LYZL4: variants seen among roughly 807,000 people sequenced by gnomAD.
The protein encoded by LYZL4 is lysozyme-like protein 4.
A neutral mutation model predicts 17.6 loss-of-function variants in LYZL4; 13 were observed. The ratio of observed to expected loss-of-function variants is 0.74; its 90% CI spans 0.48 to 1.18. The LOEUF is 1.18. LYZL4 is among the 50% of genes most tolerant of loss of function. LYZL4 has a pLI of 0.00. For missense variants in LYZL4, 174 were observed against 188.2 expected (o/e 0.92, Z 0.44); for synonymous variants, 64 against 67.7 (o/e 0.95, Z 0.27).
intron 2 of LYZL4, 47 bp from the exon 3 acceptor site, chr3:42,407,045 G>A (rs2125603347): frequency 6.2e-7 from 1 of 1,613,872 alleles, no homozygotes; most frequent in Non-Finnish European, 8.5e-7. Context: ...GCTGGAGTTG[G>A]GGATGCTTGG....
chr3:42,378,411 G>T, the LYZL4 span, among the ~76,000 whole-genome samples: 2 of 152,148 alleles, frequency 1.3e-5, no homozygotes, highest in South Asian at 4.1e-4. Flanking sequence ...CTTTCAAGTG[G>T]CCATCCCAGC....
At chr3:42,406,370 C>G (rs1293866403) in intron 3 of LYZL4, among the ~76,000 whole-genome samples, 1 of 146,268 alleles carries the variant, frequency 6.8e-6, no homozygotes, top group Non-Finnish European at 1.5e-5. Flanking sequence ...AGGAGAATGG[C>G]ACGAAGCCAG....
At chr3:42,403,992 A>C (rs1698704733) in intron 4 of LYZL4, 54 bp downstream of exon 4, 25 of 1,254,054 alleles carry the variant, frequency 2.0e-5, no homozygotes, top group Non-Finnish European at 2.7e-5. Flanking sequence ...GATTCAGATT[A>C]GAGATCATGA....
chr3:42,390,788 C>A, the LYZL4 span, among the ~76,000 whole-genome samples: 1 of 152,264 alleles, frequency 6.6e-6, no homozygotes, highest in South Asian at 2.1e-4. Context: ...GGGCAAATAA[C>A]CCTTGGCTGA....
chr3:42,366,685 C>G, the LYZL4 span, among the ~76,000 whole-genome samples: 1 of 152,240 alleles, frequency 6.6e-6, no homozygotes, highest in Non-Finnish European at 1.5e-5. Context: ...GCAGCCATGG[C>G]TTGGGCTGGG....
the LYZL4 span, among the ~76,000 whole-genome samples, chr3:42,377,274 C>T: frequency 6.6e-6 from 1 of 152,134 alleles, no homozygotes. Flanking sequence ...CTCCTTTAAC[C>T]CTCACTGTCT....
downstream of LYZL4, among the ~76,000 whole-genome samples, chr3:42,393,439 G>A (rs955551740): frequency 3.3e-5 from 5 of 152,244 alleles, no homozygotes; most frequent in Admixed American, 2.0e-4. Context: ...GGAAGCAGGC[G>A]AAGGGCCCAG....
At chr3:42,371,722 T>C in the LYZL4 span, among the ~76,000 whole-genome samples, 1 of 152,182 alleles carries the variant, frequency 6.6e-6, no homozygotes, top group Non-Finnish European at 1.5e-5. Context: ...TCAGTACATA[T>C]AATCCATGAA....
At chr3:42,384,950 GT>G in the LYZL4 span, among the ~76,000 whole-genome samples, 2 of 152,106 alleles carry the variant, frequency 1.3e-5, no homozygotes, top group African/African-American at 2.4e-5. Flanking sequence ...AGTTGAATAT[GT>G]TTTTTTCTTT....
chr3:42,404,002 A>G (rs749317686), intron 4 of LYZL4, 44 bp downstream of exon 4: 2 of 1,335,266 alleles, frequency 1.5e-6, no homozygotes, highest in South Asian at 2.4e-5. Context: ...AGAGATCATG[A>G]GTGAAAGTCG....
the LYZL4 span, among the ~76,000 whole-genome samples, chr3:42,375,346 C>T: frequency 6.6e-6 from 1 of 152,198 alleles, no homozygotes; most frequent in Non-Finnish European, 1.5e-5. Context: ...CTTCTGCTTT[C>T]CTTATTTGGA....
At chr3:42,399,619 A>C (rs1386427408) in intron 4 of LYZL4, among the ~76,000 whole-genome samples, 2 of 152,186 alleles carry the variant, frequency 1.3e-5, no homozygotes, top group African/African-American at 4.8e-5. Context: ...GTGTTTTAAA[A>C]TATCTGTGGG....
chr3:42,403,353 G>A (rs1698691257), intron 4 of LYZL4, among the ~76,000 whole-genome samples: 1 of 152,022 alleles, frequency 6.6e-6, no homozygotes, highest in Non-Finnish European at 1.5e-5. Flanking sequence ...TCTGCCTTGT[G>A]TGTTCAAGCG....
At chr3:42,387,582 C>T in the LYZL4 span, among the ~76,000 whole-genome samples, 4 of 152,238 alleles carry the variant, frequency 2.6e-5, no homozygotes, top group Admixed American at 1.3e-4. Flanking sequence ...AACCCCTCAT[C>T]GCCGTCCCTG....
intron 3 of LYZL4, among the ~76,000 whole-genome samples, chr3:42,406,453 C>CAAAAAAAAAAAAAAAAAAAAA (rs565639489): frequency 1.2e-5 from 1 of 84,158 alleles, no homozygotes; most frequent in African/African-American, 4.2e-5. Context: ...GACTCCGTCT[C>CAAAAAAAAAAAAAAAAAAAAA]AAAAAAAAAA....
the LYZL4 span, among the ~76,000 whole-genome samples, chr3:42,386,256 C>T: frequency 9.9e-5 from 15 of 152,148 alleles, no homozygotes; most frequent in Non-Finnish European, 1.6e-4. Context: ...GCACCTGCCA[C>T]CACGCCTGGC....
chr3:42,391,637 A>G, the LYZL4 span, among the ~76,000 whole-genome samples: 1 of 152,354 alleles, frequency 6.6e-6, no homozygotes, highest in Non-Finnish European at 1.5e-5. Context: ...AAGGTAATAC[A>G]GAGAAGAGAG....
intron 3 of LYZL4, among the ~76,000 whole-genome samples, chr3:42,405,746 C>T (rs1698737755): frequency 6.6e-6 from 1 of 152,110 alleles, no homozygotes; most frequent in Non-Finnish European, 1.5e-5. Context: ...TCAGGAGCCG[C>T]ACTGCTTAGG....
the LYZL4 span, among the ~76,000 whole-genome samples, chr3:42,374,494 T>C: frequency 2.0e-5 from 3 of 152,236 alleles, no homozygotes; most frequent in African/African-American, 4.8e-5. Flanking sequence ...GATTTAGTGA[T>C]GGTTTCATGC....
Sources: gnomAD v4.1 joint callset for allele counts (sites outside exome capture counted in the v4.1 genomes callset) on GRCh38, gnomAD v4.1.1 for gene constraint, MANE v1.5 for transcripts, NCBI Gene and HGNC (gene_info 2026-07-23, HGNC 2026-07-21) for gene names.